GALNT13: variants seen among roughly 807,000 people sequenced by gnomAD.
GALNT13 encodes polypeptide N-acetylgalactosaminyltransferase 13.
In GALNT13, 28 loss-of-function variants were observed where a neutral mutation model predicts 64.2. The observed-to-expected ratio is 0.44, with a 90% CI of 0.32 to 0.60. The LOEUF (loss-of-function observed/expected upper bound fraction) is 0.60, where lower values mean the gene tolerates loss of function less well. GALNT13 is among the 20% of genes least tolerant of loss of function. GALNT13 has a pLI of 0.05. For synonymous variants in GALNT13, 214 were observed against 224.6 expected (o/e 0.95, Z 0.42); for missense variants, 577 against 669.8 (o/e 0.86, Z 1.53).
At position 154,298,537 on chromosome 2, in the gene GALNT13, T is replaced by TATTTATATATAAATTATATATATA. The variant is rs1693101485; in HGVS notation, c.976-2857_976-2856insATATATATAATTTATATATAAATT. 1.2e-4 allele frequency among the ~76,000 whole-genome samples: 9 copies of TATTTATATATAAATTATATATATA among 76,974 alleles called. 1 individual carries two copies. Among genetic ancestry groups the TATTTATATATAAATTATATATATA allele is most frequent in the African/African-American group, 4.8e-4 (9 of 18,716 alleles). The allele number at this position is 76,974 out of a possible 152,430, so 50.5% of individuals were successfully genotyped here. A position where few individuals can be genotyped will look rare whatever the true frequency, so the allele number is the denominator to read the frequency against. ...TATATATTATATATAAAATTGTATA[T>TATTTATATATAAATTATATATATA]ATTTATATATAAATTGTATATATAA... On this transcript the variant is annotated intron_variant, in intron 8 of 12. Coordinates refer to ENST00000392825, the MANE Select transcript of GALNT13 (RefSeq NM_052917.4).
chr2:153,376,469 G>T, the GALNT13 span, among the ~76,000 whole-genome samples: 1 of 152,162 alleles, frequency 6.6e-6, no homozygotes, highest in Non-Finnish European at 1.5e-5. Context: ...CTGACCCAGA[G>T]AATGTATCCT....
rs1292303932 is a variant in GALNT13, at chr2:153,899,935, A to ATAT, written c.-176-1000_-176-999insATT. ...TATATACATATATATATATATATAT[A>ATAT]TTTTTTTTTTTTTTTTTTGAGATGG... On this transcript the variant is annotated intron_variant, in intron 1 of 12. Coordinates refer to ENST00000392825, the MANE Select transcript of GALNT13 (RefSeq NM_052917.4). Among the ~76,000 whole-genome samples, 75 of 98,154 alleles carry ATAT rather than the reference A, an allele frequency of 7.6e-4. 1 individual carries two copies. Among genetic ancestry groups the ATAT allele is most frequent in the Non-Finnish European group, 1.0e-3 (53 of 51,440 alleles). The allele number at this position is 98,154 out of a possible 152,430, so 64.4% of individuals were successfully genotyped here.
the GALNT13 span, among the ~76,000 whole-genome samples, chr2:153,692,578 TAG>T: frequency 2.6e-5 from 4 of 152,318 alleles, no homozygotes; most frequent in African/African-American, 9.6e-5. Context: ...ACTCAGGCTC[TAG>T]TTCCTGTTAG....
the GALNT13 span, among the ~76,000 whole-genome samples, chr2:153,649,896 A>G: frequency 2.4e-4 from 36 of 152,134 alleles, no homozygotes; most frequent in Non-Finnish European, 3.2e-4. Context: ...TATGTGGTCA[A>G]TTTTGGAATA....
At position 154,148,139 on chromosome 2, in the gene GALNT13, T is replaced by C. The variant is rs572520440; in HGVS notation, c.311+7634T>C. Among the ~76,000 whole-genome samples, 140 of 152,220 alleles carry C rather than the reference T, an allele frequency of 9.2e-4. No individual in the cohort carries two copies. In the East Asian group the frequency reaches 0.016, roughly 17 times the overall value. ...CCCTTTCTGTGTCCATGTGTTCTCA[T>C]TGTTCAGTTCCCACCTATGAGTGAG... On this transcript the variant is annotated intron_variant, in intron 4 of 12. Coordinates refer to ENST00000392825, the MANE Select transcript of GALNT13 (RefSeq NM_052917.4).
the GALNT13 span, among the ~76,000 whole-genome samples, chr2:153,341,371 A>G: frequency 6.6e-6 from 1 of 152,210 alleles, no homozygotes; most frequent in Non-Finnish European, 1.5e-5. Flanking sequence ...AGTGGCTAAT[A>G]TATTATGCCA....
chr2:153,684,114 T>C, the GALNT13 span, among the ~76,000 whole-genome samples: 46 of 151,588 alleles, frequency 3.0e-4, no homozygotes, highest in East Asian at 6.4e-3. Flanking sequence ...GAATAGTCAA[T>C]GTATTTATTT....
chr2:153,681,027 T>C, the GALNT13 span, among the ~76,000 whole-genome samples: 11 of 151,938 alleles, frequency 7.2e-5, no homozygotes, highest in Non-Finnish European at 1.5e-5. Context: ...GACAAGGTTA[T>C]AGAGAAGTCC....
chr2:154,318,592 G>T (rs1267089385), intron 9 of GALNT13, among the ~76,000 whole-genome samples: 1 of 152,026 alleles, frequency 6.6e-6, no homozygotes, highest in Non-Finnish European at 1.5e-5. Flanking sequence ...AGGCATGGTG[G>T]CATACGCCTG....
intron 8 of GALNT13, among the ~76,000 whole-genome samples, chr2:154,270,463 T>A (rs1691294422): frequency 6.6e-6 from 1 of 151,946 alleles, no homozygotes; most frequent in South Asian, 2.1e-4. Context: ...TTTTAAAGCA[T>A]AACCACTTAT....
chr2:153,289,950 A>G, the GALNT13 span, among the ~76,000 whole-genome samples: 3 of 152,332 alleles, frequency 2.0e-5, no homozygotes, highest in East Asian at 5.8e-4. Context: ...CAATGGATCA[A>G]AATCCTGGCT....
At chr2:153,983,682 A>T (rs1361638512) in intron 3 of GALNT13, among the ~76,000 whole-genome samples, 1 of 151,984 alleles carries the variant, frequency 6.6e-6, no homozygotes, top group Non-Finnish European at 1.5e-5. Flanking sequence ...GTGACAAAGA[A>T]TTTGAGTGTA....
chr2:153,883,248 A>G (rs1686905534), intron 1 of GALNT13, among the ~76,000 whole-genome samples: 1 of 151,796 alleles, frequency 6.6e-6, no homozygotes, highest in Non-Finnish European at 1.5e-5. Context: ...AGAAAAATCT[A>G]TCAATTCTAA....
the GALNT13 span, among the ~76,000 whole-genome samples, chr2:153,404,319 G>C: frequency 6.6e-6 from 1 of 152,170 alleles, no homozygotes; most frequent in Non-Finnish European, 1.5e-5. Flanking sequence ...GTGTGTTTGT[G>C]AGAGCAGAAA....
the GALNT13 span, among the ~76,000 whole-genome samples, chr2:153,750,013 T>A: frequency 6.6e-6 from 1 of 151,852 alleles, no homozygotes; most frequent in Non-Finnish European, 1.5e-5. Flanking sequence ...ATCTTCAGTT[T>A]TTTATTTAGG....
chr2:153,836,686 T>C, the GALNT13 span, among the ~76,000 whole-genome samples: 1 of 127,098 alleles, frequency 7.9e-6, no homozygotes, highest in Admixed American at 1.0e-4. Context: ...GTCCCCAGAG[T>C]GTGATGTTCC....
At chr2:153,748,658 A>G in the GALNT13 span, among the ~76,000 whole-genome samples, 7 of 152,196 alleles carry the variant, frequency 4.6e-5, 1 homozygote, top group South Asian at 1.5e-3. Context: ...AGCTCCTTAT[A>G]TATTCTGGTT....
At chr2:153,205,611 A>G in the GALNT13 span, among the ~76,000 whole-genome samples, 1 of 152,100 alleles carries the variant, frequency 6.6e-6, no homozygotes, top group Non-Finnish European at 1.5e-5. Context: ...AAGTAACCCA[A>G]TCAATCCAAC....
At chr2:154,302,593 C>G (rs1002208806) in intron 9 of GALNT13, among the ~76,000 whole-genome samples, 2 of 152,160 alleles carry the variant, frequency 1.3e-5, no homozygotes, top group Non-Finnish European at 2.9e-5. Flanking sequence ...TTGAGTGAAC[C>G]TGGCCCAAGG....
Sources: gnomAD v4.1 joint callset for allele counts (sites outside exome capture counted in the v4.1 genomes callset) on GRCh38, gnomAD v4.1.1 for gene constraint, MANE v1.5 for transcripts, NCBI Gene and HGNC (gene_info 2026-07-23, HGNC 2026-07-21) for gene names.